Variants in CYB5A observed in about 807,000 individuals in gnomAD.
CYB5A encodes cytochrome b5 type A, also known as cytochrome b5.
A neutral mutation model predicts 16.2 loss-of-function variants in CYB5A; 10 were observed. The ratio of observed to expected loss-of-function variants is 0.62; its 90% CI spans 0.38 to 1.04. The LOEUF is 1.04. Among genes scored for constraint, CYB5A ranks in the 50% least tolerant of loss-of-function variants. The probability of loss-of-function intolerance (pLI) is 0.01; values close to 1 mark genes in which losing one functional copy is unlikely to be tolerated. For synonymous variants in CYB5A, 62 were observed against 57.0 expected, an observed-to-expected ratio of 1.09 and a Z score of -0.40; for missense variants, 161 against 165.9, an observed-to-expected ratio of 0.97 and a Z score of 0.16.
chr18:74,286,414 T>C (rs1233065156), intron 1 of CYB5A, among the ~76,000 whole-genome samples: 2 of 152,264 alleles, frequency 1.3e-5, no homozygotes, highest in Non-Finnish European at 2.9e-5. Context: ...ATTCCTGAGA[T>C]ATGTTCCTAC....
At chr18:74,287,673 G>A (rs1983370487) in intron 1 of CYB5A, among the ~76,000 whole-genome samples, 1 of 152,200 alleles carries the variant, frequency 6.6e-6, no homozygotes, top group South Asian at 2.1e-4. Flanking sequence ...TGTAAAGGGA[G>A]AGGAGACAAC....
intron 1 of CYB5A, among the ~76,000 whole-genome samples, chr18:74,288,786 G>T (rs556715334): frequency 1.3e-5 from 2 of 152,156 alleles, no homozygotes; most frequent in African/African-American, 2.4e-5. Context: ...AGGCTTTGCC[G>T]GGGGCTGGGA....
chr18:74,286,657 T>C (rs1345991091), intron 1 of CYB5A, among the ~76,000 whole-genome samples: 1 of 152,164 alleles, frequency 6.6e-6, no homozygotes, highest in Non-Finnish European at 1.5e-5. Flanking sequence ...CAGGTCTAGT[T>C]TTCCTAACCC....
chr18:74,255,785 G>T lies in CYB5A; in HGVS notation c.289-10C>A, dbSNP rs765391610. On this transcript the variant is annotated splice_polypyrimidine_tract_variant and intron_variant, in intron 3 of 4. Coordinates refer to ENST00000340533, the MANE Select transcript of CYB5A (RefSeq NM_148923.4). ...TAGTGATAAGAGTTTCCTGAAACAC[G>T]AGAGGAAAAAGTAAAGTAAGTTCAA... 6.2e-7 allele frequency: 1 copy of T among 1,606,182 alleles called. No individual in the cohort carries two copies. Among genetic ancestry groups the T allele is most frequent in the East Asian group, 2.2e-5 (1 of 44,828 alleles).
chr18:74,286,679 T>C (rs1983332439), intron 1 of CYB5A, among the ~76,000 whole-genome samples: 1 of 152,214 alleles, frequency 6.6e-6, no homozygotes, highest in Non-Finnish European at 1.5e-5. Flanking sequence ...AGCCCAGTGC[T>C]TTCCCATGAA....
At chr18:74,289,455 T>A (rs1194556579) in intron 1 of CYB5A, among the ~76,000 whole-genome samples, 1 of 152,110 alleles carries the variant, frequency 6.6e-6, no homozygotes, top group Non-Finnish European at 1.5e-5. Context: ...TCTGGCAATA[T>A]CTGGAGACAT....
intron 3 of CYB5A, chr18:74,256,992 TATGA>T (rs1982011588): frequency 1.5e-6 from 1 of 688,450 alleles, no homozygotes; most frequent in Admixed American, 2.7e-5. Flanking sequence ...ATTGTGTATA[TATGA>T]ATAAAATTAA....
intron 1 of CYB5A, among the ~76,000 whole-genome samples, chr18:74,276,647 A>G (rs1325272597): frequency 6.6e-6 from 1 of 152,118 alleles, no homozygotes; most frequent in Non-Finnish European, 1.5e-5. Flanking sequence ...ACAATATGAC[A>G]ATCTGCAGCA....
At chr18:74,262,181 C>T (rs1490540610) in intron 2 of CYB5A, among the ~76,000 whole-genome samples, 33 of 152,232 alleles carry the variant, frequency 2.2e-4, no homozygotes, top group Non-Finnish European at 1.5e-5. Flanking sequence ...GGACTAGGTG[C>T]GGTGACTCAC....
intron 1 of CYB5A, among the ~76,000 whole-genome samples, chr18:74,270,926 C>G (rs1788630): frequency 0.013 from 2,051 of 152,220 alleles, 43 homozygotes; most frequent in African/African-American, 0.047. Flanking sequence ...TAGTTCAATA[C>G]CCATAAGTAT....
intron 1 of CYB5A, among the ~76,000 whole-genome samples, chr18:74,277,127 C>A (rs950277683): frequency 2.6e-5 from 4 of 152,130 alleles, no homozygotes; most frequent in Non-Finnish European, 5.9e-5. Context: ...AAAATGAAAA[C>A]AATTCAAAAG....
rs114294381 is a variant in CYB5A at position 74,256,365 on chromosome 18, G to C, written c.289-590C>G. On this transcript the variant is annotated intron_variant, in intron 3 of 4. Transcript: ENST00000340533. ...GACACCAGACCAGCCTCACAGGACTGCTGTGCCCGGCGTCACACTTGTCAC... is the reference window on the plus strand; with the variant it reads ...GACACCAGACCAGCCTCACAGGACTCCTGTGCCCGGCGTCACACTTGTCAC... 1,606 of 179,424 alleles carry C rather than the reference G, an allele frequency of 9.0e-3. 33 individuals carry two copies. The highest frequency in any genetic ancestry group is 0.037 in the African/African-American group (1,537 of 41,936). 11.1% of individuals were successfully genotyped at this position (179,424 alleles called of 1,614,324 possible). A position where few individuals can be genotyped will look rare whatever the true frequency, so the allele number is the denominator to read the frequency against.
At chr18:74,256,302 G>A (rs185614253) in intron 3 of CYB5A, 12 of 168,720 alleles carry the variant, frequency 7.1e-5, no homozygotes, top group African/African-American at 1.7e-4. Flanking sequence ...CAACTTTCCC[G>A]GGGGGCTGCT....
chr18:74,274,056 G>C (rs1982774387), intron 1 of CYB5A, among the ~76,000 whole-genome samples: 1 of 152,210 alleles, frequency 6.6e-6, no homozygotes, highest in Non-Finnish European at 1.5e-5. Context: ...AACAGCGAGA[G>C]AGTGCACACG....
intron 1 of CYB5A, among the ~76,000 whole-genome samples, chr18:74,273,780 C>T (rs1258380420): frequency 2.0e-5 from 3 of 152,226 alleles, no homozygotes; most frequent in Non-Finnish European, 4.4e-5. Flanking sequence ...CACAGCTCCC[C>T]CGGGGATCAC....
At chr18:74,269,153 C>T (rs887462858) in intron 1 of CYB5A, among the ~76,000 whole-genome samples, 6 of 152,174 alleles carry the variant, frequency 3.9e-5, no homozygotes, top group African/African-American at 1.2e-4. Context: ...ACAGTACACC[C>T]CTGCATTGTA....
chr18:74,270,401 C>G (rs1042133874), intron 1 of CYB5A, among the ~76,000 whole-genome samples: 5 of 152,078 alleles, frequency 3.3e-5, no homozygotes, highest in African/African-American at 9.7e-5. Context: ...GCCTAGGCAA[C>G]AGAGCAAGAC....
At chr18:74,259,370 A>C (rs1020279448) in intron 3 of CYB5A, 1 of 152,246 alleles carries the variant, frequency 6.6e-6, no homozygotes, top group Non-Finnish European at 1.5e-5. Context: ...CTCTGTTCCC[A>C]AAATATTCTC....
At chr18:74,269,954 A>G (rs2145059332) in intron 1 of CYB5A, among the ~76,000 whole-genome samples, 1 of 152,310 alleles carries the variant, frequency 6.6e-6, no homozygotes, top group East Asian at 1.9e-4. Context: ...CAGAGGTAGA[A>G]GATAAAGTAG....
Sources: gnomAD v4.1 joint callset for allele counts (sites outside exome capture counted in the v4.1 genomes callset) on GRCh38, gnomAD v4.1.1 for gene constraint, MANE v1.5 for transcripts, NCBI Gene and HGNC (gene_info 2026-07-23, HGNC 2026-07-21) for gene names.